The following NOX4 variants were observed in gnomAD, a reference collection of about 807,000 sequenced individuals.
NOX4 encodes kidney oxidase-1.
Under a neutral mutation model 87.6 loss-of-function variants are expected in NOX4, and 69 were observed. The ratio of observed to expected loss-of-function variants is 0.79; its 90% confidence interval spans 0.65 to 0.96. The LOEUF (loss-of-function observed/expected upper bound fraction) is 0.96. NOX4 is among the 40% of genes least tolerant of loss of function. The probability of loss-of-function intolerance (pLI) is 0.00; values close to 1 mark genes in which losing one functional copy is unlikely to be tolerated. For missense variants in NOX4, 680 were observed against 681.5 expected (o/e 1.00, Z 0.02); for synonymous variants, 275 against 238.2 (o/e 1.15, Z -1.42).
intron 2 of NOX4, among the ~76,000 whole-genome samples, chr11:89,490,059 T>C (rs1034376193): frequency 3.9e-5 from 6 of 152,180 alleles, no homozygotes; most frequent in Non-Finnish European, 8.8e-5. Flanking sequence ...AAACAAACAG[T>C]GCAGAAATCC....
At chr11:89,486,066 AT>A (rs925887490) in intron 2 of NOX4, among the ~76,000 whole-genome samples, 1 of 151,720 alleles carries the variant, frequency 6.6e-6, no homozygotes, top group South Asian at 2.1e-4. Context: ...TTAAGATCTT[AT>A]TTTTTCTATC....
At chr11:89,433,014 C>G (rs1027728842) in intron 6 of NOX4, among the ~76,000 whole-genome samples, 158 bp from the exon 7 acceptor site, 1 of 152,034 alleles carries the variant, frequency 6.6e-6, no homozygotes, top group Non-Finnish European at 1.5e-5. Flanking sequence ...AAGCCCTTTA[C>G]TTTTTAATTT....
At position 89,335,914 on chromosome 11, in the gene NOX4, T is replaced by C. The variant is rs1339931205; in HGVS notation, c.1547A>G (p.Asn516Ser). The C allele has an allele frequency of 1.9e-6, 3 of 1,600,640 alleles. No homozygotes were observed. Among genetic ancestry groups the C allele is most frequent in the Non-Finnish European group, 1.7e-6 (2 of 1,173,556 alleles). Residue 516 changes from asparagine (N) to serine (S), a missense_variant, in exon 17 of 18, where the codon AAT becomes AGT. Physicochemically the swap from Asn to Ser is conservative, Grantham distance 46. Coordinates refer to ENST00000263317, the MANE Select transcript of NOX4 (RefSeq NM_016931.5). ...KIIGEKYHAL[N>S]SRLFIGRPRW... is the part of the protein sequence containing the mutation. ...AGGACGTCCTATAAACAGTCTTGAA[T>C]TCAGTGCATGATATTTTTCTCCAAT...
the NOX4 span, among the ~76,000 whole-genome samples, chr11:89,587,386 C>G: frequency 6.6e-6 from 1 of 151,922 alleles, no homozygotes; most frequent in Non-Finnish European, 1.5e-5. Context: ...TCAGATAGTC[C>G]AGGGATGGAG....
At position 89,325,658 on chromosome 11, in the gene NOX4, G is replaced by A. The variant is rs1194924415; in HGVS notation, c.*1098C>T. The A allele has an allele frequency of 2.6e-5, 4 of 151,878 alleles. No individual in the cohort carries two copies. The highest frequency in any genetic ancestry group is 5.9e-5 in the Non-Finnish European group (4 of 67,968). 9.4% of individuals were successfully genotyped at this position (151,878 alleles called of 1,614,324 possible). On this transcript the variant is annotated 3_prime_UTR_variant, in exon 18 of 18. Coordinates refer to ENST00000263317, the MANE Select transcript of NOX4 (RefSeq NM_016931.5). ...GTAAAATACAGGTTTTACTGTTCAG[G>A]AATATGACTAGACTTTCAATGTCTC...
At position 89,403,017 on chromosome 11, in the gene NOX4, A is replaced by T. The variant is rs532994423; in HGVS notation, c.630-475T>A. ...GCTGATTTGCAGAGAAATGTTAAAC[A>T]GAAATAACTGGAACTGGAAGTTTGT... On this transcript the variant is annotated intron_variant, in intron 8 of 17. Coordinates refer to ENST00000263317, the MANE Select transcript of NOX4 (RefSeq NM_016931.5). 2.6e-5 allele frequency among the ~76,000 whole-genome samples: 4 copies of T among 152,336 alleles called. No homozygotes were observed. In the South Asian group the frequency reaches 6.2e-4, roughly 24 times the overall value.
chr11:89,358,403 A>G (rs1460688501), intron 12 of NOX4, among the ~76,000 whole-genome samples: 1 of 148,770 alleles, frequency 6.7e-6, no homozygotes, highest in Non-Finnish European at 1.5e-5. Context: ...AAAAAAAAAA[A>G]AAAGAAAAGA....
the NOX4 span, among the ~76,000 whole-genome samples, chr11:89,508,668 A>G: frequency 1.7e-3 from 260 of 152,164 alleles, no homozygotes; most frequent in African/African-American, 6.0e-3. Context: ...GGATGGGAGT[A>G]AAAAAGAAAC....
chr11:89,380,474 T>C (rs1454333653), intron 11 of NOX4, among the ~76,000 whole-genome samples: 7 of 152,044 alleles, frequency 4.6e-5, no homozygotes, highest in African/African-American at 7.2e-5. Flanking sequence ...AGGAACTGGA[T>C]TGCTGAGAGA....
At chr11:89,391,200 T>A (rs1468024963) in intron 11 of NOX4, among the ~76,000 whole-genome samples, 3 of 152,100 alleles carry the variant, frequency 2.0e-5, no homozygotes, top group African/African-American at 4.8e-5. Context: ...AAACAAATAA[T>A]TTAATGACTG....
the NOX4 span, among the ~76,000 whole-genome samples, chr11:89,588,853 T>C: frequency 6.6e-6 from 1 of 152,200 alleles, no homozygotes; most frequent in Non-Finnish European, 1.5e-5. Flanking sequence ...ATACAGATTA[T>C]ACTGTCAATG....
chr11:89,535,133 GA>G, the NOX4 span, among the ~76,000 whole-genome samples: 29 of 151,470 alleles, frequency 1.9e-4, no homozygotes, highest in Middle Eastern at 6.8e-3. Flanking sequence ...ACATTACAAG[GA>G]AAAAAAGGAA....
intron 13 of NOX4, among the ~76,000 whole-genome samples, chr11:89,347,496 C>A (rs1946267981): frequency 6.6e-6 from 1 of 152,166 alleles, no homozygotes; most frequent in African/African-American, 2.4e-5. Flanking sequence ...AGAATTGTGT[C>A]ATGCATTGGG....
At chr11:89,399,445 ATATATATATATAT>A (rs1941692325) in intron 11 of NOX4, among the ~76,000 whole-genome samples, 1 of 133,138 alleles carries the variant, frequency 7.5e-6, no homozygotes, top group Non-Finnish European at 1.6e-5. Context: ...ATATATATAT[ATATATATATATAT>A]ATATATATAT....
At chr11:89,540,847 C>T in the NOX4 span, among the ~76,000 whole-genome samples, 2 of 133,344 alleles carry the variant, frequency 1.5e-5, no homozygotes, top group Admixed American at 8.1e-5. Flanking sequence ...AAGCTTGGCC[C>T]ACCAAGACCA....
chr11:89,438,515 C>CTATATAT (rs1944216800), intron 6 of NOX4, among the ~76,000 whole-genome samples: 2 of 79,914 alleles, frequency 2.5e-5, no homozygotes, highest in African/African-American at 1.4e-4. Context: ...ATATTATATA[C>CTATATAT]TATATATACT....
intron 7 of NOX4, among the ~76,000 whole-genome samples, chr11:89,428,950 C>A (rs935079192): frequency 6.6e-6 from 1 of 152,148 alleles, no homozygotes; most frequent in Non-Finnish European, 1.5e-5. Context: ...CCAAAATTGA[C>A]CACATAGTTG....
intron 11 of NOX4, among the ~76,000 whole-genome samples, chr11:89,385,460 C>A (rs960235487): frequency 6.6e-6 from 1 of 152,186 alleles, no homozygotes; most frequent in Non-Finnish European, 1.5e-5. Flanking sequence ...AAACTTCCAA[C>A]TATCAATCTC....
intron 11 of NOX4, among the ~76,000 whole-genome samples, chr11:89,396,551 T>G (rs1375940921): frequency 6.6e-6 from 1 of 152,060 alleles, no homozygotes; most frequent in Non-Finnish European, 1.5e-5. Context: ...AAGACCTATC[T>G]GTGTGCTGTA....
Sources: gnomAD v4.1 joint callset for allele counts (sites outside exome capture counted in the v4.1 genomes callset) on GRCh38, gnomAD v4.1.1 for gene constraint, MANE v1.5 for transcripts, NCBI Gene and HGNC (gene_info 2026-07-23, HGNC 2026-07-21) for gene names.